Variants in CNTNAP2 observed in about 807,000 individuals in gnomAD.
CNTNAP2 encodes the protein contactin-associated protein-like 2.
In CNTNAP2, 98 loss-of-function variants were observed where a neutral mutation model predicts 155.2. The ratio of observed to expected loss-of-function variants is 0.63; its 90% confidence interval spans 0.54 to 0.75. The LOEUF (loss-of-function observed/expected upper bound fraction) is 0.75. CNTNAP2 is among the 30% of genes least tolerant of loss of function. The pLI is 0.00. For synonymous variants in CNTNAP2, 651 were observed against 631.2 expected, an observed-to-expected ratio of 1.03 and a Z score of -0.47; for missense variants, 1,727 against 1,688.1, an observed-to-expected ratio of 1.02 and a Z score of -0.40.
At chr7:147,014,760 C>G (rs1327615129) in intron 3 of CNTNAP2, among the ~76,000 whole-genome samples, 1 of 151,988 alleles carries the variant, frequency 6.6e-6, no homozygotes, top group African/African-American at 2.4e-5. Flanking sequence ...TCAAATCTTG[C>G]CAACAGGAAA....
chr7:147,567,758 C>T lies in CNTNAP2; in HGVS notation c.1897+5501C>T, dbSNP rs60716861. On this transcript the variant is annotated intron_variant, in intron 12 of 23. Coordinates refer to ENST00000361727, the MANE Select transcript of CNTNAP2 (RefSeq NM_014141.6). Reference sequence around the variant, plus strand: ...AAAGTTGTCCTACAGGCAGATGCTACGCAAAGTCACTGTAGGACCTTGAAC... The same window carrying T: ...AAAGTTGTCCTACAGGCAGATGCTATGCAAAGTCACTGTAGGACCTTGAAC... 9.1e-3 allele frequency among the ~76,000 whole-genome samples: 1,392 copies of T among 152,182 alleles called. 21 individuals carry two copies. Among genetic ancestry groups the T allele is most frequent in the African/African-American group, 0.032 (1,312 of 41,502 alleles).
At chr7:146,218,636 A>G (rs1799156453) in intron 1 of CNTNAP2, among the ~76,000 whole-genome samples, 1 of 152,188 alleles carries the variant, frequency 6.6e-6, no homozygotes, top group African/African-American at 2.4e-5. Context: ...CTGTAAGGAC[A>G]TGAGTACTAC....
chr7:147,842,736 T>A (rs1486508067), intron 13 of CNTNAP2, among the ~76,000 whole-genome samples: 1 of 85,016 alleles, frequency 1.2e-5, no homozygotes, highest in Non-Finnish European at 2.3e-5. Flanking sequence ...ATGCTATCCC[T>A]CCCCCCTCCC....
rs1489213294 is a variant in CNTNAP2 at position 146,889,146 on chromosome 7, A to G, written c.402+49242A>G. ...ATTGCATTGTTTACATTAAATGTGT[A>G]CAGCTTTTTCTATATTAATTATACC... On this transcript the variant is annotated intron_variant, in intron 3 of 23. Coordinates refer to ENST00000361727, the MANE Select transcript of CNTNAP2 (RefSeq NM_014141.6). Among the ~76,000 whole-genome samples the G allele has an allele frequency of 2.0e-5, 3 of 152,280 alleles. No individual in the cohort carries two copies. The South Asian group carries it at 6.2e-4, about 32-fold the overall frequency.
intron 8 of CNTNAP2, among the ~76,000 whole-genome samples, chr7:147,290,856 G>T (rs1805289939): frequency 6.6e-6 from 1 of 152,146 alleles, no homozygotes; most frequent in African/African-American, 2.4e-5. Flanking sequence ...GTCTTTAAAT[G>T]ACCATGGGTA....
chr7:147,130,472 A>G (rs1227536816), intron 7 of CNTNAP2, among the ~76,000 whole-genome samples: 1 of 152,078 alleles, frequency 6.6e-6, no homozygotes, highest in Non-Finnish European at 1.5e-5. Flanking sequence ...AAAGAATAAA[A>G]AAAGATTATG....
chr7:146,264,188 A>T (rs575233656), intron 1 of CNTNAP2, among the ~76,000 whole-genome samples: 1 of 152,292 alleles, frequency 6.6e-6, no homozygotes, highest in East Asian at 1.9e-4. Context: ...TCATGCCTGT[A>T]ATCCCAGCAC....
intron 2 of CNTNAP2, chr7:146,782,396 G>A (rs1057294929): frequency 6.6e-6 from 1 of 152,138 alleles, no homozygotes; most frequent in Non-Finnish European, 1.5e-5. Context: ...GGCTCTCCTG[G>A]AAACACCTGC....
intron 13 of CNTNAP2, among the ~76,000 whole-genome samples, chr7:147,654,366 G>A (rs1584881513): frequency 6.6e-6 from 1 of 152,244 alleles, no homozygotes; most frequent in Middle Eastern, 3.4e-3. Context: ...TGATGACGAA[G>A]GTATAAGATA....
At chr7:147,365,383 G>GAAAAAA (rs10557373) in intron 9 of CNTNAP2, among the ~76,000 whole-genome samples, 19 of 93,648 alleles carry the variant, frequency 2.0e-4, no homozygotes, top group East Asian at 6.3e-4. Flanking sequence ...ATCTCAAAAA[G>GAAAAAA]AAAAAAAAAA....
At chr7:148,092,580 C>T (rs528374538) in intron 15 of CNTNAP2, among the ~76,000 whole-genome samples, 5 of 152,210 alleles carry the variant, frequency 3.3e-5, no homozygotes, top group East Asian at 3.9e-4. Flanking sequence ...CTGGCTAGTC[C>T]GAAGCCTAGT....
intron 13 of CNTNAP2, among the ~76,000 whole-genome samples, chr7:147,696,763 T>C (rs1796167438): frequency 6.6e-6 from 1 of 152,126 alleles, no homozygotes. Context: ...GAAGGATAGT[T>C]TTGCAGAGTG....
intron 9 of CNTNAP2, among the ~76,000 whole-genome samples, chr7:147,312,934 A>C (rs1221077151): frequency 7.6e-6 from 1 of 131,056 alleles, no homozygotes; most frequent in Non-Finnish European, 1.6e-5. Context: ...TTGTTTCCTG[A>C]GTTTTTAATG....
At chr7:146,234,461 G>A (rs1176914934) in intron 1 of CNTNAP2, among the ~76,000 whole-genome samples, 1 of 150,890 alleles carries the variant, frequency 6.6e-6, no homozygotes, top group South Asian at 2.1e-4. Flanking sequence ...AAGCTTTTTA[G>A]TTTAATTAGA....
intron 18 of CNTNAP2, among the ~76,000 whole-genome samples, chr7:148,191,007 A>C (rs1033585744): frequency 6.6e-6 from 1 of 152,216 alleles, no homozygotes; most frequent in African/African-American, 2.4e-5. Context: ...AGACTGAACA[A>C]GGAAGATGAA....
intron 8 of CNTNAP2, among the ~76,000 whole-genome samples, chr7:147,247,467 G>C (rs1804092849): frequency 6.6e-6 from 1 of 152,080 alleles, no homozygotes; most frequent in African/African-American, 2.4e-5. Flanking sequence ...TCTTATCTAT[G>C]AGTTCTTTTC....
chr7:146,248,541 C>T (rs561130449), intron 1 of CNTNAP2, among the ~76,000 whole-genome samples: 1 of 151,988 alleles, frequency 6.6e-6, no homozygotes, highest in African/African-American at 2.4e-5. Flanking sequence ...TTTGTCTCTA[C>T]CAGAAAATGA....
chr7:146,995,829 C>T (rs1281826108), intron 3 of CNTNAP2, among the ~76,000 whole-genome samples: 1 of 152,020 alleles, frequency 6.6e-6, no homozygotes, highest in African/African-American at 2.4e-5. Flanking sequence ...TAGGTTGTTT[C>T]TTCTGTCGAT....
chr7:146,369,029 G>GTATATATATATATATATATATACA (rs1795194596), intron 1 of CNTNAP2, among the ~76,000 whole-genome samples: 2 of 137,374 alleles, frequency 1.5e-5, no homozygotes, highest in Non-Finnish European at 3.1e-5. Flanking sequence ...AAAGCATTAT[G>GTATATATATATATATATATATACA]TATATATATA....
Sources: allele counts gnomAD v4.1 joint callset (sites outside exome capture counted in the v4.1 genomes callset), GRCh38; gene constraint gnomAD v4.1.1; transcripts MANE v1.5; gene names NCBI Gene and HGNC (gene_info 2026-07-23, HGNC 2026-07-21).